PDE3A: variants seen among roughly 807,000 people sequenced by gnomAD.
PDE3A encodes cGMP-inhibited 3',5'-cyclic phosphodiesterase 3A.
Under a neutral mutation model 98.3 loss-of-function variants are expected in PDE3A, and 43 were observed. The observed-to-expected ratio is 0.44, with a 90% confidence interval of 0.34 to 0.56. The LOEUF is 0.56. Ranked by LOEUF, PDE3A falls within the 20% of genes least tolerant of loss-of-function variation. The pLI, the probability that PDE3A is intolerant of heterozygous loss-of-function variation, is 0.01. For synonymous variants in PDE3A, 663 were observed against 567.9 expected (o/e 1.17, Z -2.38); for missense variants, 1,427 against 1,440.7 (o/e 0.99, Z 0.15).
At chr12:20,486,674 C>T (rs1015679448) in intron 1 of PDE3A, among the ~76,000 whole-genome samples, 10 of 152,190 alleles carry the variant, frequency 6.6e-5, no homozygotes, top group Admixed American at 2.0e-4. Context: ...TGCTCTGTCA[C>T]CTGTGCTGGA....
In PDE3A at chr12:20,588,994, C is replaced by G. The variant is rs1287078206; in HGVS notation, c.1012-24449C>G. On this transcript the variant is annotated intron_variant, in intron 2 of 15. Coordinates refer to ENST00000359062, the MANE Select transcript of PDE3A (RefSeq NM_000921.5). ...CTGGAGTGTAGTGGCGCCATTTGGG[C>G]TCCCTGCAAGCTCCGCCTCCTGAGT... 2.0e-5 allele frequency among the ~76,000 whole-genome samples: 3 copies of G among 152,178 alleles called. No homozygotes were observed. In the East Asian group the frequency reaches 5.8e-4, roughly 29 times the overall value.
At chr12:20,441,384 TAGC>T (rs1342081381) in intron 1 of PDE3A, among the ~76,000 whole-genome samples, 1 of 152,164 alleles carries the variant, frequency 6.6e-6, no homozygotes, top group Non-Finnish European at 1.5e-5. Context: ...ACATCATTAG[TAGC>T]AGAAGAGTGA....
chr12:20,688,536 G>A lies in PDE3A; in HGVS notation c.*8265G>A, dbSNP rs765526360. Among the ~76,000 whole-genome samples, 6 of 151,508 alleles carry A rather than the reference G, an allele frequency of 4.0e-5. No individual in the cohort carries two copies. The highest frequency in any genetic ancestry group is 2.1e-4 in the South Asian group (1 of 4,818). On this transcript the variant is annotated 3_prime_UTR_variant, in exon 16 of 16. Coordinates refer to ENST00000359062, the MANE Select transcript of PDE3A (RefSeq NM_000921.5). The stretch of plus-strand genomic sequence containing the variant: ...AATTATGTCCTAGATTATCTATGTC[G>A]ATGTTATGAGTGAAGATAATGTATA...
intron 1 of PDE3A, among the ~76,000 whole-genome samples, chr12:20,393,802 C>T (rs1943961984): frequency 6.6e-6 from 1 of 152,012 alleles, no homozygotes; most frequent in South Asian, 2.1e-4. Context: ...AGATGGCAGG[C>T]ACAATGGCTC....
At chr12:20,654,725 G>A (rs933593700) in intron 15 of PDE3A, among the ~76,000 whole-genome samples, 2 of 146,106 alleles carry the variant, frequency 1.4e-5, no homozygotes, top group African/African-American at 5.1e-5. Context: ...TGTTAGCCAG[G>A]ATGGTCTCGA....
At chr12:20,567,371 A>G (rs940335517) in intron 2 of PDE3A, among the ~76,000 whole-genome samples, 1 of 151,980 alleles carries the variant, frequency 6.6e-6, no homozygotes, top group African/African-American at 2.4e-5. Context: ...TGTTTTATTT[A>G]TGCTATTCCC....
At chr12:20,370,402 T>G (rs1050740277) in intron 1 of PDE3A, 158 bp downstream of exon 1, 25 of 469,988 alleles carry the variant, frequency 5.3e-5, no homozygotes, top group African/African-American at 4.5e-4. Context: ...TTTTTTTTGT[T>G]TTTTTTGTTT....
At chr12:20,541,242 T>C (rs1172481146) in intron 1 of PDE3A, among the ~76,000 whole-genome samples, 3 of 151,426 alleles carry the variant, frequency 2.0e-5, no homozygotes, top group Non-Finnish European at 3.0e-5. Context: ...GACTACCAGG[T>C]GCACAACACC....
At chr12:20,412,610 T>C (rs1262935168) in intron 1 of PDE3A, among the ~76,000 whole-genome samples, 1 of 152,196 alleles carries the variant, frequency 6.6e-6, no homozygotes, top group African/African-American at 2.4e-5. Flanking sequence ...AATGCTGTTA[T>C]GGCACATGAG....
chr12:20,616,233 C>T lies in PDE3A; in HGVS notation c.1273C>T (p.Leu425=), dbSNP rs769467588. The T allele has an allele frequency of 6.2e-7, 1 of 1,613,654 alleles. No individual in the cohort carries two copies. The highest frequency in any genetic ancestry group is 1.7e-5 in the Admixed American group (1 of 59,992). ...EKDKLAIPKR[L]RRSLPPGLLR... is the part of the protein sequence containing the mutation. ...TGAAGTCAAGTCTCTTTCCTAGCGC[C>T]TGAGAAGGAGTTTGCCTCCTGGCTT... The change falls in exon 4 of 16, where the codon CTG becomes TTG. Residue 425 remains leucine (L), a synonymous_variant. Transcript: ENST00000359062.
At chr12:20,407,690 T>C (rs982958900) in intron 1 of PDE3A, among the ~76,000 whole-genome samples, 1 of 152,192 alleles carries the variant, frequency 6.6e-6, no homozygotes, top group African/African-American at 2.4e-5. Flanking sequence ...TTTTAAGTGA[T>C]TATGGAGTAC....
In PDE3A at chr12:20,370,256, C is replaced by T. The variant is rs781394935; in HGVS notation, c.960+12C>T. 9.3e-6 allele frequency: 14 copies of T among 1,511,580 alleles called. No individual in the cohort carries two copies. The highest frequency in any genetic ancestry group is 5.4e-5 in the South Asian group (4 of 74,426). The allele number at this position is 1,511,580 out of a possible 1,614,324, so 93.6% of individuals were successfully genotyped here. The stretch of plus-strand genomic sequence containing the variant: ...TACCGAGGGAACAGGTAAGCACTGG[C>T]AACTCCTCTCTCGGCTCTTGGAAAC... On this transcript the variant is annotated intron_variant, in intron 1 of 15. Transcript: ENST00000359062.
intron 2 of PDE3A, among the ~76,000 whole-genome samples, chr12:20,581,055 C>A (rs956939346): frequency 1.3e-5 from 2 of 152,092 alleles, no homozygotes; most frequent in African/African-American, 4.8e-5. Flanking sequence ...TTCAAACAAC[C>A]TTTCTTACAA....
intron 15 of PDE3A, among the ~76,000 whole-genome samples, chr12:20,674,618 T>C (rs1043354125): frequency 1.3e-5 from 2 of 152,172 alleles, no homozygotes; most frequent in African/African-American, 4.8e-5. Context: ...TTATTGCTGA[T>C]TTAATCTGAT....
chr12:20,406,442 C>T (rs1944234905), intron 1 of PDE3A, among the ~76,000 whole-genome samples: 1 of 152,140 alleles, frequency 6.6e-6, no homozygotes, highest in African/African-American at 2.4e-5. Flanking sequence ...GGGAATATCT[C>T]ATTATGATTT....
At chr12:20,387,404 G>A (rs1231110345) in intron 1 of PDE3A, among the ~76,000 whole-genome samples, 1 of 152,024 alleles carries the variant, frequency 6.6e-6, no homozygotes, top group Non-Finnish European at 1.5e-5. Flanking sequence ...CCCTATCTAT[G>A]AGCATAGAAT....
chr12:20,441,301 G>A (rs1411343051), intron 1 of PDE3A, among the ~76,000 whole-genome samples: 1 of 152,268 alleles, frequency 6.6e-6, no homozygotes, highest in Non-Finnish European at 1.5e-5. Flanking sequence ...GGAGCAGATA[G>A]TCATTGAGTG....
chr12:20,398,821 A>G (rs1395182111), intron 1 of PDE3A, among the ~76,000 whole-genome samples: 1 of 152,170 alleles, frequency 6.6e-6, no homozygotes, highest in Non-Finnish European at 1.5e-5. Flanking sequence ...GTGGTAACAT[A>G]TACATAAAAT....
At chr12:20,650,247 ATTTT>A (rs1252706951) in intron 13 of PDE3A, among the ~76,000 whole-genome samples, 194 bp from the exon 14 acceptor site, 2 of 82,394 alleles carry the variant, frequency 2.4e-5, no homozygotes, top group African/African-American at 8.7e-5. Flanking sequence ...ATAATTCGTT[ATTTT>A]ACTTTTTTTG....
Sources: gnomAD v4.1 joint callset for allele counts (sites outside exome capture counted in the v4.1 genomes callset) on GRCh38, gnomAD v4.1.1 for gene constraint, MANE v1.5 for transcripts, NCBI Gene and HGNC (gene_info 2026-07-23, HGNC 2026-07-21) for gene names.